The following GRM7 variants were observed in gnomAD, a reference collection of about 807,000 sequenced individuals.
The protein encoded by GRM7 is glutamate metabotropic receptor 7, also known as metabotropic glutamate receptor 7.
In GRM7, 35 loss-of-function variants were observed where a neutral mutation model predicts 84.5. The ratio of observed to expected loss-of-function variants is 0.41; its 90% CI spans 0.32 to 0.55. The LOEUF is 0.55. Ranked by LOEUF, GRM7 falls within the 20% of genes least tolerant of loss-of-function variation. GRM7 has a pLI of 0.19. For missense variants in GRM7, 1,003 were observed against 1,194.6 expected, an observed-to-expected ratio of 0.84 and a Z score of 2.36; for synonymous variants, 487 against 455.1, an observed-to-expected ratio of 1.07 and a Z score of -0.89.
intron 7 of GRM7, among the ~76,000 whole-genome samples, chr3:7,569,868 C>A (rs1694551689): frequency 1.3e-5 from 2 of 152,130 alleles, no homozygotes; most frequent in South Asian, 4.1e-4. Context: ...TCAGAAGGAA[C>A]AAACTCCGGA....
At position 7,181,080 on chromosome 3, in the gene GRM7, C is replaced by T. The variant is rs191839888; in HGVS notation, c.736+34412C>T. 1.1e-3 allele frequency among the ~76,000 whole-genome samples: 169 copies of T among 152,244 alleles called. 1 individual carries two copies. The highest frequency in any genetic ancestry group is 4.0e-3 in the African/African-American group (165 of 41,538). ...TACAGGTTCAGTGTCCACTCATTAACCATATTTTTATCATAGATATAGAGA... is the reference window on the plus strand; with the variant it reads ...TACAGGTTCAGTGTCCACTCATTAATCATATTTTTATCATAGATATAGAGA... On this transcript the variant is annotated intron_variant, in intron 2 of 9. Transcript: ENST00000357716.
chr3:7,286,091 A>G (rs1699421991), intron 2 of GRM7, among the ~76,000 whole-genome samples: 1 of 152,204 alleles, frequency 6.6e-6, no homozygotes. Flanking sequence ...TTGAATGAGA[A>G]GAAACCTGTA....
At chr3:7,408,412 C>T (rs977630373) in intron 4 of GRM7, among the ~76,000 whole-genome samples, 7 of 152,086 alleles carry the variant, frequency 4.6e-5, no homozygotes, top group Admixed American at 2.0e-4. Flanking sequence ...GAATAATTTT[C>T]GTTGCAATAA....
intron 1 of GRM7, among the ~76,000 whole-genome samples, chr3:7,031,709 G>A (rs1464300481): frequency 6.6e-6 from 1 of 152,012 alleles, no homozygotes; most frequent in East Asian, 1.9e-4. Context: ...TACGTTGATT[G>A]TATGTTCAGG....
In GRM7 at chr3:7,039,173, G is replaced by A. The variant is rs1178798432; in HGVS notation, c.520-107279G>A. ...AAATGATCTCAAACAACCTAGCTGAGCTTGCTGTTTCTTACAAGCCTGTGA... is the reference window on the plus strand; with the variant it reads ...AAATGATCTCAAACAACCTAGCTGAACTTGCTGTTTCTTACAAGCCTGTGA... On this transcript the variant is annotated intron_variant, in intron 1 of 9. Transcript: ENST00000357716. Among the ~76,000 whole-genome samples, 3 of 152,100 alleles carry A rather than the reference G, an allele frequency of 2.0e-5. No homozygotes were observed. The East Asian group carries it at 5.8e-4, about 29-fold the overall frequency.
intron 7 of GRM7, among the ~76,000 whole-genome samples, chr3:7,548,554 A>G (rs1474725923): frequency 6.6e-6 from 1 of 152,242 alleles, no homozygotes; most frequent in Non-Finnish European, 1.5e-5. Flanking sequence ...ATTTTAATGG[A>G]AAATCTCAGG....
rs892943870 is a variant in GRM7 at position 7,074,362 on chromosome 3, A to G, written c.520-72090A>G. 1.2e-4 allele frequency among the ~76,000 whole-genome samples: 18 copies of G among 152,304 alleles called. No individual in the cohort carries two copies. The South Asian group carries it at 3.5e-3, about 30-fold the overall frequency. ...CATAAGATGTGGCAAGCTTACCAAC[A>G]GGAGACAGGAATGGAAACATTCTAT... On this transcript the variant is annotated intron_variant, in intron 1 of 9. Coordinates refer to ENST00000357716, the MANE Select transcript of GRM7 (RefSeq NM_000844.4).
At chr3:6,982,530 A>G (rs577177939) in intron 1 of GRM7, among the ~76,000 whole-genome samples, 1 of 152,268 alleles carries the variant, frequency 6.6e-6, no homozygotes, top group Admixed American at 6.5e-5. Context: ...TAAAGCATAC[A>G]GTTCTATAAA....
intron 1 of GRM7, among the ~76,000 whole-genome samples, chr3:7,096,599 G>A (rs1179919696): frequency 6.6e-6 from 1 of 152,148 alleles, no homozygotes; most frequent in Admixed American, 6.6e-5. Context: ...TTTTATGGGG[G>A]TTTTAATACA....
intron 2 of GRM7, among the ~76,000 whole-genome samples, chr3:7,149,553 A>G (rs939484294): frequency 1.3e-5 from 2 of 152,282 alleles, no homozygotes; most frequent in Admixed American, 6.5e-5. Context: ...CAGGCTCGAA[A>G]AAGTCACCCT....
In GRM7 at chr3:7,554,225, A is replaced by T. The variant is rs76844601; in HGVS notation, c.1516-24197A>T. Among the ~76,000 whole-genome samples the T allele has an allele frequency of 8.6e-3, 1,311 of 152,372 alleles. 6 individuals carry two copies. Among genetic ancestry groups the T allele is most frequent in the Middle Eastern group, 0.014 (4 of 294 alleles). On this transcript the variant is annotated intron_variant, in intron 7 of 9. Coordinates refer to ENST00000357716, the MANE Select transcript of GRM7 (RefSeq NM_000844.4). ...CTTTTATTTAAGAATATGCTTGTAG[A>T]TGCTGGCACTCCTGATTATTGAACC... is the stretch of plus-strand genomic sequence containing the variant.
chr3:7,047,775 CT>C (rs1696854696), intron 1 of GRM7, among the ~76,000 whole-genome samples: 1 of 152,022 alleles, frequency 6.6e-6, no homozygotes, highest in Admixed American at 6.6e-5. Context: ...CTAGCAGAGA[CT>C]TTTGGGTCAG....
intron 3 of GRM7, among the ~76,000 whole-genome samples, chr3:7,300,573 T>C (rs1220383888): frequency 2.0e-5 from 3 of 152,126 alleles, no homozygotes; most frequent in African/African-American, 4.8e-5. Flanking sequence ...TCTAGTCTTA[T>C]TCTATTCCAA....
At chr3:7,107,392 A>G (rs1692694224) in intron 1 of GRM7, among the ~76,000 whole-genome samples, 1 of 152,034 alleles carries the variant, frequency 6.6e-6, no homozygotes, top group Non-Finnish European at 1.5e-5. Context: ...CCATAAATCT[A>G]TTATATGGAT....
chr3:7,728,531 G>A (rs1702208254), intron 9 of GRM7, among the ~76,000 whole-genome samples: 2 of 152,212 alleles, frequency 1.3e-5, no homozygotes, highest in South Asian at 4.2e-4. Flanking sequence ...CCTACAATTT[G>A]GGTATGGAAA....
intron 1 of GRM7, among the ~76,000 whole-genome samples, chr3:7,033,266 G>A (rs1250300740): frequency 6.6e-6 from 1 of 151,728 alleles, no homozygotes. Context: ...TCATCATAAC[G>A]GATTATATCT....
chr3:6,964,228 A>T (rs1693411738), intron 1 of GRM7, among the ~76,000 whole-genome samples: 1 of 152,100 alleles, frequency 6.6e-6, no homozygotes, highest in African/African-American at 2.4e-5. Flanking sequence ...AAACAACAGA[A>T]ATTTTCTCAC....
intron 2 of GRM7, among the ~76,000 whole-genome samples, chr3:7,223,573 C>CT (rs1696881449): frequency 6.6e-6 from 1 of 151,782 alleles, no homozygotes; most frequent in Non-Finnish European, 1.5e-5. Context: ...CTCATCTTTC[C>CT]TTTTTTATAG....
chr3:7,121,595 C>A (rs1330994191), intron 1 of GRM7, among the ~76,000 whole-genome samples: 1 of 152,118 alleles, frequency 6.6e-6, no homozygotes, highest in African/African-American at 2.4e-5. Flanking sequence ...AATTTAGATT[C>A]TTTTCTATCT....
Sources: gnomAD v4.1 joint callset for allele counts (sites outside exome capture counted in the v4.1 genomes callset) on GRCh38, gnomAD v4.1.1 for gene constraint, MANE v1.5 for transcripts, NCBI Gene and HGNC (gene_info 2026-07-23, HGNC 2026-07-21) for gene names.